Variants in REDIC1 observed in about 807,000 individuals in gnomAD.
The protein encoded by REDIC1 is HEI10 Interacting Protein 1.
chr12:39,817,193 G>A, the REDIC1 span, among the ~76,000 whole-genome samples: 1 of 152,204 alleles, frequency 6.6e-6, no homozygotes, highest in East Asian at 1.9e-4. Flanking sequence ...TCTCACAGGA[G>A]TACTCAACAA....
the REDIC1 span, among the ~76,000 whole-genome samples, chr12:39,718,652 A>G: frequency 6.6e-6 from 1 of 151,944 alleles, no homozygotes; most frequent in African/African-American, 2.4e-5. Context: ...CCTTCCTAAT[A>G]AATATCCTAT....
chr12:39,827,723 A>C, the REDIC1 span, among the ~76,000 whole-genome samples: 1 of 152,092 alleles, frequency 6.6e-6, no homozygotes, highest in Non-Finnish European at 1.5e-5. Context: ...AACAACATAG[A>C]TATAGAAAAC....
chr12:39,854,241 GATAATA>G, the REDIC1 span, among the ~76,000 whole-genome samples: 2 of 151,812 alleles, frequency 1.3e-5, no homozygotes, highest in East Asian at 1.9e-4. Context: ...TGTAAAATTG[GATAATA>G]ATAATAATAA....
At chr12:39,754,747 A>G in the REDIC1 span, among the ~76,000 whole-genome samples, 1 of 152,094 alleles carries the variant, frequency 6.6e-6, no homozygotes, top group African/African-American at 2.4e-5. Flanking sequence ...GGTTCTGACA[A>G]TAACTATAAT....
At chr12:39,711,189 G>A in the REDIC1 span, among the ~76,000 whole-genome samples, 1 of 150,654 alleles carries the variant, frequency 6.6e-6, no homozygotes, top group Non-Finnish European at 1.5e-5. Context: ...TACAAATGCT[G>A]TTAATTCCTT....
chr12:39,692,141 C>T, the REDIC1 span: 1 of 1,469,114 alleles, frequency 6.8e-7, no homozygotes, highest in Admixed American at 2.3e-5. Context: ...GTTAATTTTA[C>T]TCTATTTTAA....
At chr12:39,759,519 T>C in the REDIC1 span, 1 of 152,918 alleles carries the variant, frequency 6.5e-6, no homozygotes, top group African/African-American at 2.4e-5. Flanking sequence ...TGATGAAAGC[T>C]TACATGGAAT....
chr12:39,806,191 A>C, the REDIC1 span, among the ~76,000 whole-genome samples: 2 of 152,212 alleles, frequency 1.3e-5, no homozygotes, highest in Non-Finnish European at 2.9e-5. Flanking sequence ...TGACAAGTTT[A>C]TATTTCAGAG....
chr12:39,694,067 C>G, the REDIC1 span, among the ~76,000 whole-genome samples: 3 of 152,144 alleles, frequency 2.0e-5, no homozygotes, highest in African/African-American at 7.2e-5. Context: ...TTTAAAAATG[C>G]TCATTGGCTA....
chr12:39,650,102 ATTACT>A, the REDIC1 span: 2 of 949,496 alleles, frequency 2.1e-6, no homozygotes, highest in Non-Finnish European at 2.8e-6. This position sits in a 1 kb window ranked among gnomAD's most constrained non-coding sequence, Gnocchi z 4.3. Context: ...AAGTAGTAAA[ATTACT>A]TTATTTTGGA....
chr12:39,743,051 A>C, the REDIC1 span, among the ~76,000 whole-genome samples: 1 of 102,488 alleles, frequency 9.8e-6, no homozygotes, highest in Non-Finnish European at 1.9e-5. Context: ...AGGTTTATAG[A>C]GTGACGATGG....
the REDIC1 span, among the ~76,000 whole-genome samples, chr12:39,700,730 T>G: frequency 6.6e-6 from 1 of 150,718 alleles, no homozygotes; most frequent in East Asian, 1.9e-4. Flanking sequence ...AGACTAACAG[T>G]GGATCTCTCA....
the REDIC1 span, among the ~76,000 whole-genome samples, chr12:39,679,420 A>G: frequency 6.6e-6 from 1 of 151,942 alleles, no homozygotes; most frequent in East Asian, 1.9e-4. Context: ...GCTGCAAAAA[A>G]TAAAATACAC....
the REDIC1 span, among the ~76,000 whole-genome samples, chr12:39,768,007 G>A: frequency 1.3e-5 from 2 of 152,070 alleles, no homozygotes; most frequent in Non-Finnish European, 2.9e-5. Context: ...AGCAGTGTGA[G>A]ACCAGACTAA....
At chr12:39,864,706 C>T in the REDIC1 span, 3 of 1,591,048 alleles carry the variant, frequency 1.9e-6, no homozygotes, top group African/African-American at 4.1e-5. Context: ...AAGTTAAAAG[C>T]AAGCAAAAAA....
At chr12:39,735,262 A>G in the REDIC1 span, among the ~76,000 whole-genome samples, 1 of 152,214 alleles carries the variant, frequency 6.6e-6, no homozygotes, top group South Asian at 2.1e-4. Context: ...GTGTAACTAT[A>G]TGCCCCTAGA....
the REDIC1 span, among the ~76,000 whole-genome samples, chr12:39,814,602 T>C: frequency 3.9e-5 from 6 of 152,146 alleles, no homozygotes; most frequent in Non-Finnish European, 8.8e-5. Context: ...AAATACATAC[T>C]TAAGAATGGA....
the REDIC1 span, among the ~76,000 whole-genome samples, chr12:39,634,805 A>G: frequency 6.6e-6 from 1 of 152,206 alleles, no homozygotes; most frequent in South Asian, 2.1e-4. Flanking sequence ...TAAACTAAAG[A>G]GCTTCTGCAC....
At chr12:39,723,899 G>A in the REDIC1 span, among the ~76,000 whole-genome samples, 1 of 152,054 alleles carries the variant, frequency 6.6e-6, no homozygotes, top group African/African-American at 2.4e-5. Context: ...ATTGCAATTT[G>A]TTTATAATTT....
Sources: gnomAD v4.1 joint callset for allele counts (sites outside exome capture counted in the v4.1 genomes callset) on GRCh38, gnomAD v4.1.1 for gene constraint, Gnocchi (gnomAD v3.1) non-coding constraint, MANE v1.5 for transcripts, NCBI Gene and HGNC (gene_info 2026-07-23, HGNC 2026-07-21) for gene names.